Variants in GOLPH3 observed in about 807,000 individuals in gnomAD.
The protein encoded by GOLPH3 is golgi phosphoprotein 3, also known as coat protein GPP34.
In GOLPH3, 14 loss-of-function variants were observed where a neutral mutation model predicts 28.5. The ratio of observed to expected loss-of-function variants is 0.49; its 90% CI spans 0.32 to 0.77. GOLPH3 has a LOEUF of 0.77. GOLPH3 is among the 30% of genes least tolerant of loss of function. The probability of loss-of-function intolerance (pLI) is 0.03; values close to 1 mark genes in which losing one functional copy is unlikely to be tolerated. For synonymous variants in GOLPH3, 158 were observed against 159.2 expected (o/e 0.99, Z 0.06); for missense variants, 350 against 393.7 (o/e 0.89, Z 0.94).
chr5:32,130,309 T>G (rs746861064), intron 3 of GOLPH3, among the ~76,000 whole-genome samples: 3 of 152,158 alleles, frequency 2.0e-5, no homozygotes, highest in Non-Finnish European at 2.9e-5. Context: ...TTAGGGAAAT[T>G]TAAACTAATG....
At chr5:32,157,166 T>C (rs1173850355) in intron 1 of GOLPH3, among the ~76,000 whole-genome samples, 2 of 152,220 alleles carry the variant, frequency 1.3e-5, no homozygotes, top group Non-Finnish European at 2.9e-5. Flanking sequence ...CCCTGGGAAC[T>C]TGGACATCAG....
At chr5:32,172,360 CT>C (rs767230819) in intron 1 of GOLPH3, among the ~76,000 whole-genome samples, 689 of 137,320 alleles carry the variant, frequency 5.0e-3, no homozygotes, top group Admixed American at 4.8e-3. Flanking sequence ...TTTTGTAAGA[CT>C]TTTTTTTTTT....
chr5:32,170,239 T>C (rs1398949438), intron 1 of GOLPH3, among the ~76,000 whole-genome samples: 1 of 152,170 alleles, frequency 6.6e-6, no homozygotes. Flanking sequence ...TAGGCAAAAT[T>C]AATCTATGCT....
chr5:32,173,579 G>T (rs959896006), intron 1 of GOLPH3, among the ~76,000 whole-genome samples: 2 of 152,170 alleles, frequency 1.3e-5, no homozygotes, highest in African/African-American at 4.8e-5. Flanking sequence ...AAGGGGTAAG[G>T]AAAAATCCAA....
intron 1 of GOLPH3, among the ~76,000 whole-genome samples, chr5:32,169,121 AT>A (rs1216285830): frequency 4.9e-4 from 74 of 151,536 alleles, no homozygotes; most frequent in African/African-American, 1.7e-3. Flanking sequence ...TAAAAAAAAA[AT>A]TTTTTTTTAA....
intron 1 of GOLPH3, among the ~76,000 whole-genome samples, chr5:32,168,723 T>C (rs1746767215): frequency 6.6e-6 from 1 of 152,194 alleles, no homozygotes; most frequent in Admixed American, 6.5e-5. Context: ...CAGCTCGTTA[T>C]TCTCTCAAGA....
At chr5:32,155,956 C>CAAA (rs70961608) in intron 1 of GOLPH3, among the ~76,000 whole-genome samples, 5 of 47,818 alleles carry the variant, frequency 1.0e-4, no homozygotes, top group East Asian at 1.0e-3. Flanking sequence ...AACACTGTCT[C>CAAA]AAAAAAAAAA....
Position 32,174,216 on chromosome 5 carries a change from CGGGCGTCGGCG to C in GOLPH3, c.-193_-183del. ...ACAGGTCAGGGCGAAGCGGGCTGGC[CGGGCGTCGGCG>C]GGGCAGGAGAGGAGCGCCTTCCTGC... On this transcript the variant is annotated 5_prime_UTR_variant, in exon 1 of 4. Coordinates refer to ENST00000265070, the MANE Select transcript of GOLPH3 (RefSeq NM_022130.4). The C allele has an allele frequency of 2.6e-6, 1 of 381,354 alleles. No homozygotes were observed. The highest frequency in any genetic ancestry group is 4.6e-6 in the Non-Finnish European group (1 of 217,530). 23.6% of individuals were successfully genotyped at this position (381,354 alleles called of 1,614,324 possible).
At position 32,126,681 on chromosome 5, in the gene GOLPH3, C is replaced by G. The variant is rs559278366; in HGVS notation, c.473-45G>C. The G allele has an allele frequency of 9.0e-5, 136 of 1,513,750 alleles. 3 individuals are homozygous for G. In the South Asian group the frequency reaches 1.6e-3, roughly 18 times the overall value. 93.8% of individuals were successfully genotyped at this position (1,513,750 alleles called of 1,614,324 possible). A position where few individuals can be genotyped will look rare whatever the true frequency, so the allele number is the denominator to read the frequency against. On this transcript the variant is annotated intron_variant, in intron 3 of 3. Transcript: ENST00000265070. ...AGTTAGAAATGATGAGTATTATCTG[C>G]TAATTTTGCAAAAATTTTGTACTAT...
chr5:32,168,457 C>G (rs1361401216), intron 1 of GOLPH3, among the ~76,000 whole-genome samples: 1 of 152,120 alleles, frequency 6.6e-6, no homozygotes, highest in African/African-American at 2.4e-5. Context: ...ACTTATTTTT[C>G]AAGACATAGA....
At chr5:32,127,289 C>T (rs766840644) in intron 3 of GOLPH3, among the ~76,000 whole-genome samples, 63 of 152,196 alleles carry the variant, frequency 4.1e-4, no homozygotes, top group Non-Finnish European at 8.4e-4. Flanking sequence ...ATTAATCTTA[C>T]TTATCTTTGG....
chr5:32,157,907 G>A (rs1013091666), intron 1 of GOLPH3, among the ~76,000 whole-genome samples: 12 of 151,382 alleles, frequency 7.9e-5, no homozygotes, highest in Admixed American at 1.3e-4. Flanking sequence ...AACCCAGGAG[G>A]AGGAGGTTGC....
rs1301388380 is a variant in GOLPH3, at chr5:32,174,029, G to A, written c.6C>T (p.Thr2=). M[T]SLTQRSSGLV... is the part of the protein sequence containing the mutation. ...GGCCGGAGCTGCGCTGGGTCAGCGA[G>A]GTCATGGCTCCCGCCGAGGCGCCGA... is the stretch of plus-strand genomic sequence containing the variant. Residue 2 remains threonine (T), a synonymous_variant, in exon 1 of 4, where the codon ACC becomes ACT. Transcript: ENST00000265070. 7 of 1,282,886 alleles carry A rather than the reference G, an allele frequency of 5.5e-6. No individual in the cohort carries two copies. The African/African-American group carries it at 6.2e-5, about 11-fold the overall frequency. The allele number at this position is 1,282,886 out of a possible 1,614,324, so 79.5% of individuals were successfully genotyped here.
chr5:32,171,633 A>C (rs1361862057), intron 1 of GOLPH3, among the ~76,000 whole-genome samples: 7 of 152,046 alleles, frequency 4.6e-5, no homozygotes, highest in Non-Finnish European at 8.8e-5. Context: ...GTCTATAATA[A>C]TGTTATTTTT....
intron 1 of GOLPH3, among the ~76,000 whole-genome samples, chr5:32,172,533 A>C (rs1325752775): frequency 6.6e-6 from 1 of 152,112 alleles, no homozygotes; most frequent in Non-Finnish European, 1.5e-5. Flanking sequence ...CGTCTCTACT[A>C]AAGGTATGAA....
chr5:32,150,956 A>G (rs547152196), intron 1 of GOLPH3, among the ~76,000 whole-genome samples: 18 of 152,222 alleles, frequency 1.2e-4, no homozygotes, highest in Non-Finnish European at 2.2e-4. Flanking sequence ...TCAATTCCTT[A>G]TTATACATCA....
intron 1 of GOLPH3, among the ~76,000 whole-genome samples, chr5:32,153,624 G>T (rs1015330651): frequency 2.0e-5 from 3 of 152,044 alleles, no homozygotes; most frequent in African/African-American, 7.2e-5. Flanking sequence ...AATACAAGCG[G>T]TAAGCCAATG....
In GOLPH3 at chr5:32,142,462, G is replaced by A. The variant is rs568337620; in HGVS notation, c.357+1287C>T. On this transcript the variant is annotated intron_variant, in intron 2 of 3. Transcript: ENST00000265070. The stretch of plus-strand genomic sequence containing the variant: ...TCTCCGCCCGGCAGCCACCTCGTCC[G>A]GGAGGGAGGTGGGGGGGTCAGCCCC... 6.0e-3 allele frequency among the ~76,000 whole-genome samples: 898 copies of A among 149,484 alleles called. 11 individuals carry two copies. Among genetic ancestry groups the A allele is most frequent in the African/African-American group, 0.021 (860 of 40,504 alleles).
chr5:32,127,456 AGGT>A (rs759917452), intron 3 of GOLPH3, among the ~76,000 whole-genome samples: 67 of 152,244 alleles, frequency 4.4e-4, no homozygotes, highest in Non-Finnish European at 6.9e-4. Flanking sequence ...AAACGTTGTA[AGGT>A]CGAGATTTTC....
Sources: allele counts gnomAD v4.1 joint callset (sites outside exome capture counted in the v4.1 genomes callset), GRCh38; gene constraint gnomAD v4.1.1; transcripts MANE v1.5; gene names NCBI Gene and HGNC (gene_info 2026-07-23, HGNC 2026-07-21).